ST8SIA4: variants seen among roughly 807,000 people sequenced by gnomAD.
ST8SIA4 encodes the protein ST8 alpha-N-acetyl-neuraminide alpha-2,8-sialyltransferase 4.
Under a neutral mutation model 33.9 loss-of-function variants are expected in ST8SIA4, and 15 were observed. The ratio of observed to expected loss-of-function variants is 0.44; its 90% CI spans 0.30 to 0.68. The LOEUF (loss-of-function observed/expected upper bound fraction) is 0.68. Among genes scored for constraint, ST8SIA4 ranks in the 30% least tolerant of loss-of-function variants. The pLI, the probability that ST8SIA4 is intolerant of heterozygous loss-of-function variation, is 0.10. For missense variants in ST8SIA4, 321 were observed against 428.0 expected (o/e 0.75, Z 2.21); for synonymous variants, 171 against 151.2 (o/e 1.13, Z -0.96).
chr5:100,829,322 A>G (rs1053179705), intron 4 of ST8SIA4, among the ~76,000 whole-genome samples: 21 of 152,356 alleles, frequency 1.4e-4, no homozygotes, highest in African/African-American at 5.0e-4. Flanking sequence ...CTCATGGATT[A>G]GAAATTTAAA....
chr5:100,902,762 A>G, intron 1 of ST8SIA4, 81 bp downstream of exon 1: 1 of 1,193,296 alleles, frequency 8.4e-7, no homozygotes, highest in East Asian at 2.4e-5. Flanking sequence ...TGCTATCCTA[A>G]CCATCACTCT....
intron 3 of ST8SIA4, among the ~76,000 whole-genome samples, chr5:100,878,496 G>T (rs1047074902): frequency 6.6e-6 from 1 of 151,948 alleles, no homozygotes; most frequent in African/African-American, 2.4e-5. Flanking sequence ...TTATTCCCAG[G>T]CATTACTTTT....
At chr5:100,837,030 A>ACACC (rs1491491812) in intron 4 of ST8SIA4, among the ~76,000 whole-genome samples, 2 of 139,942 alleles carry the variant, frequency 1.4e-5, no homozygotes, top group African/African-American at 5.1e-5. Context: ...ACACACACAC[A>ACACC]CCGTAATACC....
At chr5:100,858,501 A>G (rs559826664) in intron 3 of ST8SIA4, among the ~76,000 whole-genome samples, 58 of 152,118 alleles carry the variant, frequency 3.8e-4, no homozygotes, top group African/African-American at 1.3e-3. Flanking sequence ...AAATCACTCA[A>G]TTACTGTATA....
At chr5:100,872,822 T>C (rs999832235) in intron 3 of ST8SIA4, among the ~76,000 whole-genome samples, 9 of 150,630 alleles carry the variant, frequency 6.0e-5, no homozygotes, top group African/African-American at 2.2e-4. Flanking sequence ...ATTTTGTACC[T>C]ATTGACCAAC....
chr5:100,864,574 CAAAAAAAAAA>C (rs201029430), intron 3 of ST8SIA4, among the ~76,000 whole-genome samples: 209 of 69,378 alleles, frequency 3.0e-3, no homozygotes, highest in African/African-American at 0.014. Context: ...GACTCCGGCT[CAAAAAAAAAA>C]AAAAAAAAAA....
rs191038583 is a variant in ST8SIA4 at position 100,885,996 on chromosome 5, A to T, written c.503+347T>A. 7.1e-4 allele frequency: 663 copies of T among 938,302 alleles called. 1 individual carries two copies. The highest frequency in any genetic ancestry group is 3.7e-3 in the Middle Eastern group (7 of 1,900). The allele number at this position is 938,302 out of a possible 1,614,324, so 58.1% of individuals were successfully genotyped here. On this transcript the variant is annotated intron_variant, in intron 3 of 4. Transcript: ENST00000231461. ...GTAATATTCATAATCTTTATACAAC[A>T]AATAAAATCACACAAAACTAATGAG...
intron 4 of ST8SIA4, among the ~76,000 whole-genome samples, chr5:100,827,734 G>C (rs1252757606): frequency 2.6e-5 from 4 of 152,194 alleles, no homozygotes; most frequent in African/African-American, 9.7e-5. Context: ...CCTGGCTTCA[G>C]AGACAAACTG....
At chr5:100,818,300 G>A (rs947266019) in intron 4 of ST8SIA4, among the ~76,000 whole-genome samples, 1 of 152,062 alleles carries the variant, frequency 6.6e-6, no homozygotes, top group Non-Finnish European at 1.5e-5. Flanking sequence ...TGATCTGTAT[G>A]GTGTTATGGT....
intron 4 of ST8SIA4, among the ~76,000 whole-genome samples, chr5:100,825,715 T>G (rs1751127716): frequency 6.6e-6 from 1 of 152,196 alleles, no homozygotes. Context: ...AAATATATAT[T>G]ATTTATGAAT....
chr5:100,817,077 G>A (rs1038279860), intron 4 of ST8SIA4, among the ~76,000 whole-genome samples: 15 of 147,506 alleles, frequency 1.0e-4, no homozygotes, highest in Non-Finnish European at 1.9e-4. Context: ...CAAGTAGCTG[G>A]GATTACAGGC....
At chr5:100,882,146 G>A (rs1306909444) in intron 3 of ST8SIA4, among the ~76,000 whole-genome samples, 1 of 152,188 alleles carries the variant, frequency 6.6e-6, no homozygotes, top group African/African-American at 2.4e-5. Context: ...GAACTTCCTA[G>A]AGACTTGTTG....
intron 2 of ST8SIA4, among the ~76,000 whole-genome samples, chr5:100,891,710 C>T (rs1245339599): frequency 1.3e-5 from 2 of 151,830 alleles, no homozygotes; most frequent in Admixed American, 6.6e-5. Context: ...ATCATTTATT[C>T]CATAATGATA....
At chr5:100,874,583 C>A (rs529458728) in intron 3 of ST8SIA4, among the ~76,000 whole-genome samples, 1 of 151,284 alleles carries the variant, frequency 6.6e-6, no homozygotes, top group Non-Finnish European at 1.5e-5. Flanking sequence ...TTTTTTCTTC[C>A]TTTTTTTGAG....
chr5:100,890,337 C>A (rs1238320578), intron 2 of ST8SIA4, among the ~76,000 whole-genome samples: 2 of 151,718 alleles, frequency 1.3e-5, no homozygotes, highest in African/African-American at 4.8e-5. Context: ...AGCTAAATGT[C>A]ATTGGAAGCA....
At chr5:100,856,467 AAAG>A (rs1751816044) in intron 3 of ST8SIA4, 71 bp from the exon 4 acceptor site, 1 of 1,413,542 alleles carries the variant, frequency 7.1e-7, no homozygotes, top group African/African-American at 1.5e-5. Context: ...GTGTTCATGA[AAAG>A]AAGAATGGGA....
Position 100,830,055 on chromosome 5 carries a change from CAT to C in ST8SIA4, c.798-17928_798-17927del, listed in dbSNP as rs574521560. 1.3e-4 allele frequency among the ~76,000 whole-genome samples: 20 copies of C among 152,136 alleles called. No individual in the cohort carries two copies. The South Asian group carries it at 3.3e-3, about 25-fold the overall frequency. On this transcript the variant is annotated intron_variant, in intron 4 of 4. Coordinates refer to ENST00000231461, the MANE Select transcript of ST8SIA4 (RefSeq NM_005668.6). ...TATGTTTCATTTTTAAGAGTATACT[CAT>C]GTTATTTTTGCAATCTTTGGTCATA...
chr5:100,902,079 G>T (rs2112490640), intron 1 of ST8SIA4, among the ~76,000 whole-genome samples: 1 of 152,292 alleles, frequency 6.6e-6, no homozygotes. Flanking sequence ...GCAACACAAA[G>T]TTGCACCACC....
intron 3 of ST8SIA4, 180 bp downstream of exon 3, chr5:100,886,163 C>A: frequency 7.2e-7 from 1 of 1,389,128 alleles, no homozygotes. Flanking sequence ...TTCAACTACG[C>A]AATAATTATA....
Sources: gnomAD v4.1 joint callset for allele counts (sites outside exome capture counted in the v4.1 genomes callset) on GRCh38, gnomAD v4.1.1 for gene constraint, MANE v1.5 for transcripts, NCBI Gene and HGNC (gene_info 2026-07-23, HGNC 2026-07-21) for gene names.